Variants in ARHGAP33 observed in about 807,000 individuals in gnomAD.
The protein encoded by ARHGAP33 is rho GTPase-activating protein 33.
A neutral mutation model predicts 126.2 loss-of-function variants in ARHGAP33; 57 were observed. The observed-to-expected ratio is 0.45, with a 90% CI of 0.36 to 0.56. ARHGAP33 has a LOEUF of 0.56. Among genes scored for constraint, ARHGAP33 ranks in the 20% least tolerant of loss-of-function variants. ARHGAP33 has a pLI of 0.00. For synonymous variants in ARHGAP33, 711 were observed against 755.0 expected, an observed-to-expected ratio of 0.94 and a Z score of 0.95; for missense variants, 1,500 against 1,748.3, an observed-to-expected ratio of 0.86 and a Z score of 2.53.
Position 35,788,303 on chromosome 19 carries a change from C to A in ARHGAP33, c.3738C>A (p.Gly1246=), listed in dbSNP as rs764305026. Reference sequence around the variant, plus strand: ...CCCCGCCAGCCTACGGAAGGGGGGGCGAGCTCCACCGAGGGTCCTTGTACA... The same window carrying A: ...CCCCGCCAGCCTACGGAAGGGGGGGAGAGCTCCACCGAGGGTCCTTGTACA... ...RAAPPAYGRG[G]ELHRGSLYRN... Residue 1246 remains glycine, a synonymous_variant, in exon 21 of 21, where the codon GGC becomes GGA. Coordinates refer to ENST00000007510, the MANE Select transcript of ARHGAP33 (RefSeq NM_001366178.1). 14 of 1,608,232 alleles carry A rather than the reference C, an allele frequency of 8.7e-6. No individual in the cohort carries two copies. Among genetic ancestry groups the A allele is most frequent in the Non-Finnish European group, 1.2e-5 (14 of 1,178,332 alleles).
rs1167054184 is a variant in ARHGAP33 at position 35,782,513 on chromosome 19, T to A, written c.1226T>A (p.Phe409Tyr). Residue 409 changes from phenylalanine (F) to tyrosine (Y), a missense_variant, in exon 13 of 21, where the codon TTC (phenylalanine) becomes TAC (tyrosine). By Grantham distance (22) the Phe-to-Tyr change is conservative. This residue lies in a region of ARHGAP33 where 281 missense variants were observed against 413.7 expected (regional missense o/e 0.68). Coordinates refer to ENST00000007510, the MANE Select transcript of ARHGAP33 (RefSeq NM_001366178.1). This position sits in a 1 kb window ranked among gnomAD's most constrained non-coding sequence, Gnocchi z 4.1. ...PLLTYQLYGK[F>Y]SEAMSVPGEE... ...CTCACCTACCAGCTCTATGGGAAGT[T>A]CAGTGTGAGTAAGGGAGCTGGCGGG... The A allele has an allele frequency of 6.2e-7, 1 of 1,613,002 alleles. No individual in the cohort carries two copies. Among genetic ancestry groups the A allele is most frequent in the Non-Finnish European group, 8.5e-7 (1 of 1,179,234 alleles).
In ARHGAP33 at chr19:35,786,607, C is replaced by G. The variant is rs866706409; in HGVS notation, c.2137C>G (p.Arg713Gly). 5.9e-6 allele frequency: 9 copies of G among 1,535,842 alleles called. No individual in the cohort carries two copies. In the East Asian group the frequency reaches 1.7e-4, roughly 29 times the overall value. ...LGALSGSPSH[R>G]TSAWLDDGDE... The stretch of plus-strand genomic sequence containing the variant: ...GGCACTCTCTGGGTCTCCCTCACAC[C>G]GTACCTCAGCCTGGCTAGATGATGG... The change falls in exon 20 of 21, where the codon CGT (arginine) becomes GGT (glycine). Residue 713 changes from arginine (R) to glycine (G), a missense_variant. This residue lies in a region of ARHGAP33 where 300 missense variants were observed against 291.1 expected (regional missense o/e 1.03). Coordinates refer to ENST00000007510, the MANE Select transcript of ARHGAP33 (RefSeq NM_001366178.1). The surrounding 1 kb of genome is among the most constrained non-coding windows in gnomAD (Gnocchi z 7.0).
intron 12 of ARHGAP33, among the ~76,000 whole-genome samples, chr19:35,781,584 T>C (rs1211277417): frequency 6.6e-6 from 1 of 151,940 alleles, no homozygotes; most frequent in African/African-American, 2.4e-5. Flanking sequence ...ACAGGTACTA[T>C]GGAGGAAAAC....
rs181610091 is a variant in ARHGAP33 at position 35,779,208 on chromosome 19, G to A, written c.501+84G>A. On this transcript the variant is annotated intron_variant, in intron 6 of 20. Transcript: ENST00000007510. ...AGAAGCAGCCTCGGTGTGTGTGTGG[G>A]CATAGAAAAGAAAGGAGCCAGAGTG... The A allele has an allele frequency of 2.4e-3, 2,664 of 1,103,046 alleles. 9 individuals carry two copies. The highest frequency in any genetic ancestry group is 3.9e-3 in the Admixed American group (154 of 39,980). 68.3% of individuals were successfully genotyped at this position (1,103,046 alleles called of 1,614,324 possible). A position where few individuals can be genotyped will look rare whatever the true frequency, so the allele number is the denominator to read the frequency against.
chr19:35,782,129 G>A lies in ARHGAP33; in HGVS notation c.1086-244G>A, dbSNP rs1971824653. Among the ~76,000 whole-genome samples, 2 of 152,190 alleles carry A rather than the reference G, an allele frequency of 1.3e-5. No homozygotes were observed. The highest frequency in any genetic ancestry group is 4.8e-5 in the African/African-American group (2 of 41,438). On this transcript the variant is annotated intron_variant, in intron 12 of 20. Transcript: ENST00000007510. This position sits in a 1 kb window ranked among gnomAD's most constrained non-coding sequence, Gnocchi z 4.1. ...TGGAGTCAGACAGTCTTGGGTAGCTGCAGGCAGAGGCACCTCTGTCTGAGC... is the reference window on the plus strand; with the variant it reads ...TGGAGTCAGACAGTCTTGGGTAGCTACAGGCAGAGGCACCTCTGTCTGAGC...
chr19:35,784,567 G>T, intron 16 of ARHGAP33: 1 of 1,310,912 alleles, frequency 7.6e-7, no homozygotes. Flanking sequence ...TCCTGGGGGC[G>T]CTTGGGGCCA....
chr19:35,788,067 C>T lies in ARHGAP33; in HGVS notation c.3502C>T (p.Leu1168Phe), dbSNP rs1324632974. 1 of 1,611,890 alleles carries T rather than the reference C, an allele frequency of 6.2e-7. No homozygotes were observed. The highest frequency in any genetic ancestry group is 1.1e-5 in the South Asian group (1 of 90,978). ...TCGGCGCCCTACACCGCCTGAGCCCCTCTACGTCAACCTAGCTCTAGGGCC... is the reference window on the plus strand; with the variant it reads ...TCGGCGCCCTACACCGCCTGAGCCCTTCTACGTCAACCTAGCTCTAGGGCC... Reference protein sequence around the residue: ...PARRPTPPEPLYVNLALGPRG... With the variant: ...PARRPTPPEPFYVNLALGPRG... The change falls in exon 21 of 21, where the codon CTC becomes TTC. Residue 1168 changes from leucine (L) to phenylalanine (F), a missense_variant. Around this residue, in one of 6 missense-constraint regions of ARHGAP33, gnomAD observed 642 missense variants for 634.0 expected, o/e 1.01. Transcript: ENST00000007510.
intron 3 of ARHGAP33, 95 bp downstream of exon 3, chr19:35,778,003 G>A (rs1410460331): frequency 7.0e-7 from 1 of 1,437,140 alleles, no homozygotes; most frequent in Non-Finnish European, 9.7e-7. Flanking sequence ...ACTTATCCCT[G>A]TGACTGGCTG....
In ARHGAP33 at chr19:35,780,747, C is replaced by G. The variant is rs749046702; in HGVS notation, c.770-10C>G. The G allele has an allele frequency of 2.5e-6, 4 of 1,613,746 alleles. No individual in the cohort carries two copies. The highest frequency in any genetic ancestry group is 1.7e-5 in the Admixed American group (1 of 60,014). The stretch of plus-strand genomic sequence containing the variant: ...CACTCATCCCTTCCACCCCATTTTT[C>G]GCCTAGCAGATGCCGATGGCCCCCC... On this transcript the variant is annotated splice_polypyrimidine_tract_variant and intron_variant, in intron 9 of 20. Transcript: ENST00000007510.
intron 1 of ARHGAP33, among the ~76,000 whole-genome samples, chr19:35,777,241 C>T (rs991202918): frequency 1.3e-5 from 2 of 152,084 alleles, no homozygotes; most frequent in East Asian, 1.9e-4. Flanking sequence ...TTTCTGAAAA[C>T]GATCCAGGCT....
intron 19 of ARHGAP33, 83 bp downstream of exon 19, chr19:35,785,566 T>C: frequency 6.3e-7 from 1 of 1,591,136 alleles, no homozygotes. Context: ...GGCCTCCAAA[T>C]TTTATACTTC....
At chr19:35,777,542 G>A in intron 1 of ARHGAP33, 103 bp from the exon 2 acceptor site, 1 of 902,554 alleles carries the variant, frequency 1.1e-6, no homozygotes, top group Non-Finnish European at 1.8e-6. Context: ...TCAGGGCGGT[G>A]TGTGGAGCGC....
Position 35,788,057 on chromosome 19 carries a change from G to A in ARHGAP33, c.3492G>A (p.Pro1164=), listed in dbSNP as rs145771181. The change falls in exon 21 of 21, where the codon CCG becomes CCA. Residue 1164 remains proline (P), a synonymous_variant. Transcript: ENST00000007510. Reference sequence around the variant, plus strand: ...AGCACCCTGCTCGGCGCCCTACACCGCCTGAGCCCCTCTACGTCAACCTAG... The same window carrying A: ...AGCACCCTGCTCGGCGCCCTACACCACCTGAGCCCCTCTACGTCAACCTAG... ...APQHPARRPT[P]PEPLYVNLAL... The A allele has an allele frequency of 1.3e-4, 208 of 1,600,686 alleles. No individual in the cohort carries two copies. Among genetic ancestry groups the A allele is most frequent in the African/African-American group, 6.3e-4 (45 of 71,358 alleles).
At chr19:35,780,887 C>T (rs750891358) in intron 10 of ARHGAP33, 33 bp from the exon 11 acceptor site, 4 of 1,611,742 alleles carry the variant, frequency 2.5e-6, no homozygotes, top group South Asian at 1.1e-5. Context: ...CCCCACAAGA[C>T]CTGCCTTTGC....
Position 35,787,231 on chromosome 19 carries a change from C to T in ARHGAP33, c.2666C>T (p.Pro889Leu). ...TCTCTCCTGCGCCCTGGGGGTGCCC[C>T]ACCCCCGCCCCCTAAGAACCCAGCA... ...PLSLLRPGGA[P>L]PPPPKNPARL... Residue 889 changes from proline (P) to leucine (L), a missense_variant, in exon 21 of 21, where the codon CCA becomes CTA. This residue lies in a region of ARHGAP33 where 642 missense variants were observed against 634.0 expected (regional missense o/e 1.01). Transcript: ENST00000007510. 1 of 1,609,470 alleles carries T rather than the reference C, an allele frequency of 6.2e-7. No homozygotes were observed. Among genetic ancestry groups the T allele is most frequent in the Non-Finnish European group, 8.5e-7 (1 of 1,178,092 alleles).
intron 15 of ARHGAP33, 49 bp from the exon 16 acceptor site, chr19:35,784,123 G>A (rs1971958488): frequency 1.3e-6 from 2 of 1,543,824 alleles, no homozygotes; most frequent in Non-Finnish European, 1.8e-6. Flanking sequence ...GCCAGAACCT[G>A]CTGGCTGGGC....
chr19:35,784,408 A>T, intron 16 of ARHGAP33, 91 bp downstream of exon 16: 1 of 1,418,098 alleles, frequency 7.1e-7, no homozygotes, highest in East Asian at 2.7e-5. Flanking sequence ...TCCCGTCCCC[A>T]CCCCACTGAA....
At position 35,786,537 on chromosome 19, in the gene ARHGAP33, T is replaced by C. The variant is rs1972119113; in HGVS notation, c.2067T>C (p.Ser689=). 7.2e-6 allele frequency: 11 copies of C among 1,535,906 alleles called. No homozygotes were observed. Among genetic ancestry groups the C allele is most frequent in the Admixed American group, 5.9e-5 (3 of 50,958 alleles). Residue 689 remains serine, a synonymous_variant, in exon 20 of 21, where the codon TCT becomes TCC. Transcript: ENST00000007510. The surrounding 1 kb of genome is among the most constrained non-coding windows in gnomAD (Gnocchi z 7.0). ...CCTCCTCCTCCGAGTCCTCCTCCTC[T>C]GAGTCCTCCTCTTCCTCCTCTGAGT... ...SSSSSSESSS[S]ESSSSSSESS...
Position 35,781,193 on chromosome 19 carries a change from C to T in ARHGAP33, c.1026C>T (p.His342=), listed in dbSNP as rs374408368. 64 of 1,613,938 alleles carry T rather than the reference C, an allele frequency of 4.0e-5. No homozygotes were observed. Among genetic ancestry groups the T allele is most frequent in the African/African-American group, 4.0e-5 (3 of 74,878 alleles). Residue 342 remains histidine, a synonymous_variant, in exon 12 of 21, where the codon CAC becomes CAT. Coordinates refer to ENST00000007510, the MANE Select transcript of ARHGAP33 (RefSeq NM_001366178.1). ...LRCCSEFIEA[H]GVVDGIYRLS... ...GCTGCTCCGAGTTCATTGAGGCCCA[C>T]GGGGTGGTGGATGGGATCTACCGGC... is the stretch of plus-strand genomic sequence containing the variant.
Sources: gnomAD v4.1 joint callset for allele counts (sites outside exome capture counted in the v4.1 genomes callset) on GRCh38, gnomAD v4.1.1 for gene constraint, gnomAD v4.1.1 regional missense constraint, Gnocchi (gnomAD v3.1) non-coding constraint, MANE v1.5 for transcripts, NCBI Gene and HGNC (gene_info 2026-07-23, HGNC 2026-07-21) for gene names.